Variants in CDCA2 observed in about 807,000 individuals in gnomAD.
CDCA2 encodes cell division cycle-associated protein 2.
Under a neutral mutation model 67.0 loss-of-function variants are expected in CDCA2, and 44 were observed. The ratio of observed to expected loss-of-function variants is 0.66; its 90% CI spans 0.52 to 0.84. CDCA2 has a LOEUF of 0.84. CDCA2 is among the 40% of genes least tolerant of loss of function. CDCA2 has a pLI of 0.00. For synonymous variants in CDCA2, 447 were observed against 418.7 expected, an observed-to-expected ratio of 1.07 and a Z score of -0.82; for missense variants, 1,253 against 1,203.2, an observed-to-expected ratio of 1.04 and a Z score of -0.61.
In CDCA2 at chr8:25,483,966, A is replaced by G. The variant is rs1227082507; in HGVS notation, c.1121A>G (p.Glu374Gly). Residue 374 changes from glutamate (E) to glycine (G), a missense_variant and splice_region_variant, in exon 10 of 15, where the codon GAA (glutamate) becomes GGA (glycine). By Grantham distance (98) the Glu-to-Gly change is moderately conservative. Transcript: ENST00000330560. ...LPNCCKEKEA[E>G]DEENFEAPAF... The stretch of plus-strand genomic sequence containing the variant: ...ACTCTCATTTATTGTCTAATTATAG[A>G]AGATGAAGAAAATTTTGAAGCACCT... 3 of 1,611,630 alleles carry G rather than the reference A, an allele frequency of 1.9e-6. No individual in the cohort carries two copies.
At chr8:25,490,201 G>C (rs1244240199) in intron 13 of CDCA2, among the ~76,000 whole-genome samples, 3 of 151,588 alleles carry the variant, frequency 2.0e-5, no homozygotes, top group Non-Finnish European at 4.4e-5. Flanking sequence ...GATTTCCTTC[G>C]TGTGTGTGTG....
At chr8:25,466,597 C>T (rs1802911527) in intron 5 of CDCA2, among the ~76,000 whole-genome samples, 1 of 152,136 alleles carries the variant, frequency 6.6e-6, no homozygotes, top group East Asian at 1.9e-4. Context: ...ATAATTAGCT[C>T]ATTTCACCTT....
intron 14 of CDCA2, 35 bp downstream of exon 14, chr8:25,503,579 CTT>C (rs2117554881): frequency 6.4e-7 from 1 of 1,561,222 alleles, no homozygotes; most frequent in East Asian, 2.3e-5. Context: ...TATATTTTAT[CTT>C]TTCTCTTCAC....
intron 11 of CDCA2, among the ~76,000 whole-genome samples, chr8:25,486,684 G>A (rs901280170): frequency 4.6e-5 from 7 of 151,780 alleles, no homozygotes; most frequent in African/African-American, 7.3e-5. Flanking sequence ...GCATGGTAGC[G>A]GGTGCCTATA....
At chr8:25,495,349 A>G (rs1369797387) in intron 13 of CDCA2, among the ~76,000 whole-genome samples, 1 of 152,194 alleles carries the variant, frequency 6.6e-6, no homozygotes, top group Middle Eastern at 3.2e-3. Flanking sequence ...AATTCTTACT[A>G]TGTCAAGTTG....
intron 8 of CDCA2, among the ~76,000 whole-genome samples, chr8:25,481,015 A>T (rs941406145): frequency 6.6e-6 from 1 of 152,212 alleles, no homozygotes; most frequent in Non-Finnish European, 1.5e-5. Flanking sequence ...AAGTATGCCT[A>T]CAAGCCTGTT....
At position 25,460,193 on chromosome 8, in the gene CDCA2, C is replaced by T. The variant is rs775470585; in HGVS notation, c.1-47C>T. The T allele has an allele frequency of 2.5e-6, 4 of 1,575,750 alleles. No homozygotes were observed. The African/African-American group carries it at 4.1e-5, about 16-fold the overall frequency. Reference sequence around the variant, plus strand: ...ATAAGGTACGTGATCGAATCACGTTCATCTTGCTGGTGGGGTTATTTTTCA... The same window carrying T: ...ATAAGGTACGTGATCGAATCACGTTTATCTTGCTGGTGGGGTTATTTTTCA... On this transcript the variant is annotated intron_variant, in intron 1 of 14. Coordinates refer to ENST00000330560, the MANE Select transcript of CDCA2 (RefSeq NM_152562.4).
chr8:25,487,409 G>C, intron 12 of CDCA2, 75 bp downstream of exon 12: 1 of 913,120 alleles, frequency 1.1e-6, no homozygotes, highest in East Asian at 2.5e-5. Context: ...ATGGCCAAAT[G>C]ATAATGGGTG....
intron 10 of CDCA2, 131 bp downstream of exon 10, chr8:25,484,341 T>G: frequency 7.9e-7 from 1 of 1,261,170 alleles, no homozygotes; most frequent in Non-Finnish European, 1.1e-6. Context: ...TAAATTAATC[T>G]ATTTTGTATG....
intron 6 of CDCA2, 145 bp downstream of exon 6, chr8:25,468,558 C>CGT (rs747163744): frequency 0.028 from 7,439 of 269,728 alleles, 34 homozygotes; most frequent in Non-Finnish European, 0.034. Flanking sequence ...TGTGTGTGTG[C>CGT]GTGTGTGTGT....
At chr8:25,471,566 C>T (rs1803156462) in intron 7 of CDCA2, among the ~76,000 whole-genome samples, 1 of 152,014 alleles carries the variant, frequency 6.6e-6, no homozygotes, top group South Asian at 2.1e-4. Flanking sequence ...GTTTCACCAT[C>T]TTGGCCAGGC....
chr8:25,494,703 T>C (rs1804145378), intron 13 of CDCA2, among the ~76,000 whole-genome samples: 1 of 152,216 alleles, frequency 6.6e-6, no homozygotes, highest in Non-Finnish European at 1.5e-5. Flanking sequence ...TTCCCAAATT[T>C]ATATATTGAA....
chr8:25,477,341 T>C (rs1001859380), intron 7 of CDCA2, among the ~76,000 whole-genome samples: 1 of 152,198 alleles, frequency 6.6e-6, no homozygotes, highest in African/African-American at 2.4e-5. Flanking sequence ...TTGCTCCTCT[T>C]CTTTCATCCT....
Position 25,460,416 on chromosome 8 carries a change from A to G in CDCA2, c.94A>G (p.Ile32Val). 1.9e-6 allele frequency: 3 copies of G among 1,614,146 alleles called. No individual in the cohort carries two copies. The highest frequency in any genetic ancestry group is 2.5e-6 in the Non-Finnish European group (3 of 1,180,036). The change falls in exon 3 of 15, where the codon ATT becomes GTT. Residue 32 changes from isoleucine to valine, a missense_variant. Coordinates refer to ENST00000330560, the MANE Select transcript of CDCA2 (RefSeq NM_152562.4). ...CTCTTTCATTTTGGGAACTGGGAAG[A>G]TTGTGACTCCTCAGAAGCATGCCGA... Reference protein sequence around the residue: ...NASFILGTGKIVTPQKHAELP... With the variant: ...NASFILGTGKVVTPQKHAELP...
At chr8:25,468,556 TGC>T (rs1554520609) in intron 6 of CDCA2, 143 bp downstream of exon 6, 51 of 494,140 alleles carry the variant, frequency 1.0e-4, no homozygotes, top group African/African-American at 6.7e-4. Flanking sequence ...TGTGTGTGTG[TGC>T]GTGTGTGTGT....
At chr8:25,462,720 A>G (rs768784523) in intron 4 of CDCA2, among the ~76,000 whole-genome samples, 82 of 152,290 alleles carry the variant, frequency 5.4e-4, no homozygotes, top group Admixed American at 3.0e-3. Flanking sequence ...TCAGTTGCCC[A>G]GGCTGGAATG....
chr8:25,476,039 A>T (rs1482734312), intron 7 of CDCA2, among the ~76,000 whole-genome samples: 1 of 152,140 alleles, frequency 6.6e-6, no homozygotes, highest in Non-Finnish European at 1.5e-5. Flanking sequence ...CAGTTGGGAG[A>T]AGGGCAGCAC....
chr8:25,482,869 A>AAAAT (rs560517767), intron 8 of CDCA2, among the ~76,000 whole-genome samples: 3 of 152,200 alleles, frequency 2.0e-5, no homozygotes, highest in African/African-American at 4.8e-5. Context: ...CCTTGTCTCA[A>AAAAT]AAATAAATAA....
intron 8 of CDCA2, among the ~76,000 whole-genome samples, chr8:25,480,382 TC>T (rs1803522444): frequency 6.6e-6 from 1 of 152,132 alleles, no homozygotes; most frequent in Non-Finnish European, 1.5e-5. Flanking sequence ...AGGGTCATAA[TC>T]TTACATAATC....
Sources: allele counts gnomAD v4.1 joint callset (sites outside exome capture counted in the v4.1 genomes callset), GRCh38; gene constraint gnomAD v4.1.1; transcripts MANE v1.5; gene names NCBI Gene and HGNC (gene_info 2026-07-23, HGNC 2026-07-21).